MAN2B2: variants seen among roughly 807,000 people sequenced by gnomAD.
MAN2B2 encodes epididymis-specific alpha-mannosidase.
In MAN2B2, 106 loss-of-function variants were observed where a neutral mutation model predicts 117.1. The ratio of observed to expected loss-of-function variants is 0.90; its 90% CI spans 0.77 to 1.06. The LOEUF (loss-of-function observed/expected upper bound fraction) is 1.06, where lower values mean the gene tolerates loss of function less well. Among genes scored for constraint, MAN2B2 ranks in the 50% least tolerant of loss-of-function variants. MAN2B2 has a pLI of 0.00. For missense variants in MAN2B2, 1,326 were observed against 1,381.4 expected, an observed-to-expected ratio of 0.96 and a Z score of 0.64; for synonymous variants, 544 against 595.1, an observed-to-expected ratio of 0.91 and a Z score of 1.25.
At chr4:6,616,448 GTATA>G (rs1194105881) in intron 16 of MAN2B2, among the ~76,000 whole-genome samples, 7 of 152,194 alleles carry the variant, frequency 4.6e-5, no homozygotes, top group African/African-American at 1.7e-4. Flanking sequence ...GGTCTTAACA[GTATA>G]TATTCATTTC....
chr4:6,617,234 A>C (rs1711922923), intron 16 of MAN2B2, 146 bp from the exon 17 acceptor site: 4 of 612,896 alleles, frequency 6.5e-6, no homozygotes, highest in Non-Finnish European at 1.2e-5. Context: ...ATTCACGATG[A>C]GATTTGGTTG....
At chr4:6,606,585 C>A (rs1310403313) in intron 11 of MAN2B2, among the ~76,000 whole-genome samples, 1 of 152,242 alleles carries the variant, frequency 6.6e-6, no homozygotes, top group African/African-American at 2.4e-5. Context: ...CACTGGAGCT[C>A]AGGCTGTCCT....
chr4:6,619,490 C>T lies in MAN2B2; in HGVS notation c.2815-437C>T, dbSNP rs574808588. On this transcript the variant is annotated intron_variant, in intron 17 of 18. Transcript: ENST00000285599. ...TCCTGCTCCACAGACTTTTCCAGAC[C>T]CCTAAGGGCCTCCTGCCTCCCCTAG... The T allele has an allele frequency of 9.6e-5, 16 of 166,512 alleles. No individual in the cohort carries two copies. The South Asian group carries it at 1.1e-3, about 11-fold the overall frequency. The allele number at this position is 166,512 out of a possible 1,614,324, so 10.3% of individuals were successfully genotyped here. A position where few individuals can be genotyped will look rare whatever the true frequency, so the allele number is the denominator to read the frequency against.
In MAN2B2 at chr4:6,622,307, C is replaced by T. The variant is rs960997030; in HGVS notation, c.*1022C>T. ...GAAGAGGCATGACAGCTAACAGGGA[C>T]GGGCTTTCTTTGGAAGATGATGAAA... On this transcript the variant is annotated 3_prime_UTR_variant, in exon 19 of 19. Coordinates refer to ENST00000285599, the MANE Select transcript of MAN2B2 (RefSeq NM_015274.3). 3 of 152,110 alleles carry T rather than the reference C, an allele frequency of 2.0e-5. No homozygotes were observed. Among genetic ancestry groups the T allele is most frequent in the African/African-American group, 2.4e-5 (1 of 41,412 alleles). 9.4% of individuals were successfully genotyped at this position (152,110 alleles called of 1,614,324 possible).
intron 16 of MAN2B2, among the ~76,000 whole-genome samples, chr4:6,616,400 G>A (rs1264060444): frequency 6.6e-6 from 1 of 152,076 alleles, no homozygotes; most frequent in Non-Finnish European, 1.5e-5. Context: ...CAGGGTGGCT[G>A]GCGTATGCTG....
In MAN2B2 at chr4:6,620,036, G is replaced by A. The variant is rs142638040; in HGVS notation, c.2924G>A (p.Arg975His). ...TGGAGCTGGAGGACGGGGCCTGGCC[G>A]CCACAGAGGTTTGGGGACCCCCGCT... is the stretch of plus-strand genomic sequence containing the variant. The part of the protein sequence containing the change: ...HRWSWRTGPG[R>H]HRGDTTSPSR... The change falls in exon 18 of 19, where the codon CGC becomes CAC. Residue 975 changes from arginine to histidine, a missense_variant. Arg to His is a conservative substitution (Grantham distance 29). Transcript: ENST00000285599. 1.5e-4 allele frequency: 249 copies of A among 1,610,792 alleles called. No individual in the cohort carries two copies. Among genetic ancestry groups the A allele is most frequent in the Admixed American group, 2.2e-4 (13 of 59,592 alleles).
At chr4:6,617,603 C>T (rs1189436117) in intron 17 of MAN2B2, 111 bp downstream of exon 17, 7 of 1,545,808 alleles carry the variant, frequency 4.5e-6, no homozygotes, top group Non-Finnish European at 6.1e-6. Context: ...CCCAAATGGA[C>T]GCTGGTATGG....
intron 3 of MAN2B2, among the ~76,000 whole-genome samples, chr4:6,579,201 CCAT>C (rs1560634669): frequency 3.0e-5 from 2 of 67,478 alleles, no homozygotes; most frequent in African/African-American, 4.5e-5. Context: ...AGCACCACCA[CCAT>C]CACCATCACC....
chr4:6,605,180 G>T lies in MAN2B2; in HGVS notation c.1665G>T (p.Pro555=), dbSNP rs61745007. 1.2e-6 allele frequency: 2 copies of T among 1,614,190 alleles called. No individual in the cohort carries two copies. Among genetic ancestry groups the T allele is most frequent in the Admixed American group, 3.3e-5 (2 of 60,032 alleles). ...TAGAQEGTQE[P]AATVASTLQF... is the part of the protein sequence containing the mutation. ...GGGCCCAAGAGGGCACCCAGGAGCC[G>T]GCTGCCACTGTGGCGAGCACCCTTC... Residue 555 remains proline (P), a synonymous_variant, in exon 11 of 19, where the codon CCG becomes CCT. Transcript: ENST00000285599.
At chr4:6,590,786 G>A (rs527892816) in intron 5 of MAN2B2, among the ~76,000 whole-genome samples, 97 of 152,206 alleles carry the variant, frequency 6.4e-4, no homozygotes, top group Non-Finnish European at 1.1e-3. Flanking sequence ...TGGGGCTTTG[G>A]CACAAGGCTT....
intron 3 of MAN2B2, among the ~76,000 whole-genome samples, chr4:6,579,989 T>G (rs113792839): frequency 0.012 from 1,839 of 152,342 alleles, 43 homozygotes; most frequent in African/African-American, 0.042. Flanking sequence ...AGTCCAGGCC[T>G]AGGGACTGAA....
intron 3 of MAN2B2, among the ~76,000 whole-genome samples, chr4:6,583,030 G>A (rs926367726): frequency 6.6e-6 from 1 of 152,208 alleles, no homozygotes; most frequent in Admixed American, 6.5e-5. Context: ...TCTGCTCCAT[G>A]GAGTGACCCA....
intron 5 of MAN2B2, among the ~76,000 whole-genome samples, chr4:6,590,254 G>A (rs1274061398): frequency 1.3e-5 from 2 of 151,604 alleles, no homozygotes. Context: ...GTGTTGTGGC[G>A]CATCCCTGTA....
chr4:6,597,795 T>C (rs1481354971), intron 8 of MAN2B2, among the ~76,000 whole-genome samples: 1 of 152,202 alleles, frequency 6.6e-6, no homozygotes, highest in Non-Finnish European at 1.5e-5. Flanking sequence ...CATCCCCTAC[T>C]GTACTGATGG....
At position 6,620,588 on chromosome 4, in the gene MAN2B2, T is replaced by C. The variant is rs369229418; in HGVS notation, c.2932+544T>C. The C allele has an allele frequency of 5.3e-5, 9 of 169,174 alleles. No homozygotes were observed. In the East Asian group the frequency reaches 6.6e-4, roughly 12 times the overall value. 10.5% of individuals were successfully genotyped at this position (169,174 alleles called of 1,614,324 possible). On this transcript the variant is annotated intron_variant, in intron 18 of 18. Coordinates refer to ENST00000285599, the MANE Select transcript of MAN2B2 (RefSeq NM_015274.3). ...CCACTCTCCTGGCCCCAGGGGTTTC[T>C]TCTGTCCTGTGCAGCTCGTTGTCCA...
chr4:6,594,668 C>A lies in MAN2B2; in HGVS notation c.993C>A (p.Ala331=), dbSNP rs1159295590. The A allele has an allele frequency of 6.2e-7, 1 of 1,613,426 alleles. No homozygotes were observed. Among genetic ancestry groups the A allele is most frequent in the Non-Finnish European group, 8.5e-7 (1 of 1,180,022 alleles). Residue 331 remains alanine (A), a synonymous_variant, in exon 7 of 19, where the codon GCC becomes GCA. Coordinates refer to ENST00000285599, the MANE Select transcript of MAN2B2 (RefSeq NM_015274.3). ...QYATLGDYFR[A]LHALNVTWRV... is the part of the protein sequence containing the mutation. The stretch of plus-strand genomic sequence containing the variant: ...CCACGCTGGGCGACTACTTCCGTGC[C>A]CTGCACGCTCTCAATGTCACCTGGC...
At chr4:6,606,867 C>A (rs940009848) in intron 11 of MAN2B2, among the ~76,000 whole-genome samples, 1 of 152,174 alleles carries the variant, frequency 6.6e-6, no homozygotes, top group Non-Finnish European at 1.5e-5. Flanking sequence ...GCCAAGGGTG[C>A]AGACACCAAC....
intron 6 of MAN2B2, among the ~76,000 whole-genome samples, chr4:6,594,095 TTAA>T (rs1726971487): frequency 2.0e-5 from 3 of 151,988 alleles, no homozygotes; most frequent in African/African-American, 4.8e-5. Flanking sequence ...ATTATAATAA[TTAA>T]TAATCATTAA....
intron 15 of MAN2B2, 37 bp downstream of exon 15, chr4:6,611,315 C>T: frequency 1.3e-6 from 2 of 1,556,658 alleles, no homozygotes; most frequent in Non-Finnish European, 1.7e-6. Flanking sequence ...ATCATCACTG[C>T]CTCAGCACCA....
Sources: gnomAD v4.1 joint callset for allele counts (sites outside exome capture counted in the v4.1 genomes callset) on GRCh38, gnomAD v4.1.1 for gene constraint, MANE v1.5 for transcripts, NCBI Gene and HGNC (gene_info 2026-07-23, HGNC 2026-07-21) for gene names.